The following DYNLT5 variants were observed in gnomAD, a reference collection of about 807,000 sequenced individuals.
DYNLT5 encodes the protein dynein light chain Tctex-type 5.
Under a neutral mutation model 19.3 loss-of-function variants are expected in DYNLT5, and 25 were observed. The ratio of observed to expected loss-of-function variants is 1.30; its 90% CI spans 0.95 to 1.81. The LOEUF (loss-of-function observed/expected upper bound fraction) is 1.81. Among genes scored for constraint, DYNLT5 ranks in the 40% most tolerant of loss-of-function variants. The pLI is 0.00. For missense variants in DYNLT5, 232 were observed against 217.9 expected, an observed-to-expected ratio of 1.06 and a Z score of -0.41; for synonymous variants, 82 against 68.9, an observed-to-expected ratio of 1.19 and a Z score of -0.94.
At chr1:66,775,353 G>C (rs922920173) in intron 3 of DYNLT5, 1 of 152,150 alleles carries the variant, frequency 6.6e-6, no homozygotes, top group African/African-American at 2.4e-5. Flanking sequence ...AATATGAAGT[G>C]CTTATCGCAC....
chr1:66,769,812 T>C (rs1241584511), intron 2 of DYNLT5, among the ~76,000 whole-genome samples: 2 of 152,194 alleles, frequency 1.3e-5, no homozygotes, highest in East Asian at 1.9e-4. Flanking sequence ...AAAAGGCCGA[T>C]TGATGCTTAT....
At chr1:66,762,074 GA>G (rs1161666297) in intron 2 of DYNLT5, among the ~76,000 whole-genome samples, 1 of 152,170 alleles carries the variant, frequency 6.6e-6, no homozygotes, top group African/African-American at 2.4e-5. Flanking sequence ...TCATTTGTAA[GA>G]AGCAACTCCT....
At chr1:66,771,072 C>T (rs2150866937) in intron 3 of DYNLT5, among the ~76,000 whole-genome samples, 1 of 152,264 alleles carries the variant, frequency 6.6e-6, no homozygotes, top group Middle Eastern at 3.4e-3. Context: ...TGAATTCATA[C>T]ATAATTACTG....
intron 2 of DYNLT5, among the ~76,000 whole-genome samples, chr1:66,763,163 C>T (rs2094648856): frequency 6.6e-6 from 1 of 152,152 alleles, no homozygotes; most frequent in South Asian, 2.1e-4. Flanking sequence ...GGTGCATTGT[C>T]AATGAGCAGT....
chr1:66,759,081 ATATTG>A (rs777299331), intron 2 of DYNLT5, among the ~76,000 whole-genome samples: 3 of 152,200 alleles, frequency 2.0e-5, no homozygotes, highest in African/African-American at 4.8e-5. Flanking sequence ...ATAACAACTA[ATATTG>A]TATTGTCATT....
rs1019823033 is a variant in DYNLT5, at chr1:66,778,325, A to C, written c.*871A>C. The C allele has an allele frequency of 6.6e-6, 1 of 152,632 alleles. No homozygotes were observed. Among genetic ancestry groups the C allele is most frequent in the African/African-American group, 2.4e-5 (1 of 41,456 alleles). 9.5% of individuals were successfully genotyped at this position (152,632 alleles called of 1,614,324 possible). A position where few individuals can be genotyped will look rare whatever the true frequency, so the allele number is the denominator to read the frequency against. On this transcript the variant is annotated 3_prime_UTR_variant, in exon 5 of 5. Transcript: ENST00000282670. The stretch of plus-strand genomic sequence containing the variant: ...AACAAATAAAGCATGTGTAGTTACC[A>C]TTTTACTCCTATGAATTTAATACTA...
At chr1:66,768,546 T>C (rs1211586472) in intron 2 of DYNLT5, 1 of 152,200 alleles carries the variant, frequency 6.6e-6, no homozygotes, top group Non-Finnish European at 1.5e-5. Context: ...CATTTACCAG[T>C]TTCATAATGA....
At chr1:66,774,836 A>G (rs1645225492) in intron 3 of DYNLT5, among the ~76,000 whole-genome samples, 1 of 152,172 alleles carries the variant, frequency 6.6e-6, no homozygotes, top group Admixed American at 6.5e-5. Context: ...GTGATTTTCT[A>G]CAGCCCACTC....
chr1:66,773,384 T>G (rs1351283839), intron 3 of DYNLT5, among the ~76,000 whole-genome samples: 1 of 152,186 alleles, frequency 6.6e-6, no homozygotes, highest in Non-Finnish European at 1.5e-5. Context: ...TATGTCAGGT[T>G]TTCTTAGAGC....
rs1327198540 is a variant in DYNLT5 at position 66,777,748 on chromosome 1, T to C, written c.*294T>C. 4.5e-6 allele frequency: 1 copy of C among 221,976 alleles called. No homozygotes were observed. The highest frequency in any genetic ancestry group is 2.3e-5 in the African/African-American group (1 of 43,700). 13.8% of individuals were successfully genotyped at this position (221,976 alleles called of 1,614,324 possible). ...TTGGTACTAATTATTTTAATTATTC[T>C]TTAATTAGAGTGTTACAATTTCCTG... On this transcript the variant is annotated 3_prime_UTR_variant, in exon 5 of 5. Transcript: ENST00000282670.
intron 2 of DYNLT5, among the ~76,000 whole-genome samples, chr1:66,767,924 T>G (rs764309615): frequency 3.9e-5 from 6 of 152,190 alleles, no homozygotes; most frequent in Non-Finnish European, 7.3e-5. Context: ...ATAAGCCACA[T>G]AGGCCACAAT....
chr1:66,766,817 T>C (rs1467400052), intron 2 of DYNLT5, among the ~76,000 whole-genome samples: 1 of 152,198 alleles, frequency 6.6e-6, no homozygotes, highest in Non-Finnish European at 1.5e-5. Context: ...GTTATAGTCT[T>C]AATTGATGCA....
At chr1:66,753,550 C>T (rs770726600) in intron 1 of DYNLT5, among the ~76,000 whole-genome samples, 41 of 152,136 alleles carry the variant, frequency 2.7e-4, no homozygotes, top group Non-Finnish European at 4.4e-4. Context: ...AAATGTTGCT[C>T]GAGAAAACAA....
At chr1:66,754,549 A>G in intron 1 of DYNLT5, 107 bp from the exon 2 acceptor site, 1 of 1,250,394 alleles carries the variant, frequency 8.0e-7, no homozygotes, top group African/African-American at 1.5e-5. Context: ...TTCCTGTTCA[A>G]AAATGGTAGG....
intron 2 of DYNLT5, among the ~76,000 whole-genome samples, chr1:66,764,366 A>G (rs1254428574): frequency 6.6e-6 from 1 of 152,166 alleles, no homozygotes; most frequent in African/African-American, 2.4e-5. Flanking sequence ...TCTTCCTTTC[A>G]CTTGAACACT....
intron 2 of DYNLT5, among the ~76,000 whole-genome samples, chr1:66,757,900 C>A (rs1369323811): frequency 2.0e-5 from 3 of 152,168 alleles, no homozygotes; most frequent in Admixed American, 6.5e-5. Context: ...TGTGCGTTGT[C>A]TCTGGCCACT....
chr1:66,776,640 T>C lies in DYNLT5; in HGVS notation c.336+237T>C, dbSNP rs144125181. 7.2e-3 allele frequency among the ~76,000 whole-genome samples: 1,098 copies of C among 152,142 alleles called. 10 individuals are homozygous for C. The highest frequency in any genetic ancestry group is 0.025 in the African/African-American group (1,036 of 41,496). On this transcript the variant is annotated intron_variant, in intron 4 of 4. Coordinates refer to ENST00000282670, the MANE Select transcript of DYNLT5 (RefSeq NM_152665.3). ...ATCATTTGCATGCATTATGTAAAAG[T>C]GTATAAAACTGCCCCATTTATAAAA...
In DYNLT5 at chr1:66,776,310, C is replaced by G. The variant is rs774993296; in HGVS notation, c.243C>G (p.Val81=). 1 of 1,613,320 alleles carries G rather than the reference C, an allele frequency of 6.2e-7. No homozygotes were observed. The highest frequency in any genetic ancestry group is 2.2e-5 in the East Asian group (1 of 44,832). Residue 81 remains valine, a synonymous_variant, in exon 4 of 5, where the codon GTC becomes GTG. Coordinates refer to ENST00000282670, the MANE Select transcript of DYNLT5 (RefSeq NM_152665.3). The part of the protein sequence containing the change: ...GPPKHFPVVT[V]NHILKDVVTS... Reference sequence around the variant, plus strand: ...CCAAACATTTTCCTGTGGTCACCGTCAATCATATTTTGAAAGATGTAGTAA... The same window carrying G: ...CCAAACATTTTCCTGTGGTCACCGTGAATCATATTTTGAAAGATGTAGTAA...
intron 2 of DYNLT5, among the ~76,000 whole-genome samples, chr1:66,762,501 A>G (rs2094647765): frequency 6.6e-6 from 1 of 152,238 alleles, no homozygotes; most frequent in South Asian, 2.1e-4. Context: ...TGAACCCGTC[A>G]AAGTCATCCC....
Sources: allele counts gnomAD v4.1 joint callset (sites outside exome capture counted in the v4.1 genomes callset), GRCh38; gene constraint gnomAD v4.1.1; transcripts MANE v1.5; gene names NCBI Gene and HGNC (gene_info 2026-07-23, HGNC 2026-07-21).